COL28A1: variants seen among roughly 807,000 people sequenced by gnomAD.
COL28A1 encodes the protein collagen type XXVIII alpha 1 chain, also known as collagen alpha-1(XXVIII) chain.
In COL28A1, 161 loss-of-function variants were observed where a neutral mutation model predicts 150.2. That is an observed-to-expected ratio of 1.07 (90% CI 0.94 to 1.22). The LOEUF (loss-of-function observed/expected upper bound fraction) is 1.22. Among genes scored for constraint, COL28A1 ranks in the 50% most tolerant of loss-of-function variants. COL28A1 has a pLI of 0.00. For synonymous variants in COL28A1, 552 were observed against 469.7 expected, an observed-to-expected ratio of 1.18 and a Z score of -2.26; for missense variants, 1,617 against 1,388.3, an observed-to-expected ratio of 1.16 and a Z score of -2.62.
upstream of COL28A1, among the ~76,000 whole-genome samples, chr7:7,540,825 G>A (rs1001476728): frequency 3.3e-5 from 5 of 152,076 alleles, no homozygotes; most frequent in Admixed American, 1.3e-4. Context: ...CCACCTCTTC[G>A]AACCCTGGGT....
Position 7,460,198 on chromosome 7 carries a change from T to C in COL28A1, c.1303-4086A>G, listed in dbSNP as rs991627670. Reference sequence around the variant, plus strand: ...GTAGGTTCATCGTATGTGGTCTTCCTTCCTTCAGAGTCAACAAGCCTTGCT... The same window carrying C: ...GTAGGTTCATCGTATGTGGTCTTCCCTCCTTCAGAGTCAACAAGCCTTGCT... On this transcript the variant is annotated intron_variant, in intron 15 of 34. Transcript: ENST00000399429. Among the ~76,000 whole-genome samples, 7 of 152,358 alleles carry C rather than the reference T, an allele frequency of 4.6e-5. No individual in the cohort carries two copies. The South Asian group carries it at 1.4e-3, about 32-fold the overall frequency.
intron 33 of COL28A1, among the ~76,000 whole-genome samples, chr7:7,367,925 CTCTCCCTCACCTCCA>C (rs1781020482): frequency 6.6e-6 from 1 of 151,994 alleles, no homozygotes; most frequent in African/African-American, 2.4e-5. Flanking sequence ...AAACCCCTCC[CTCTCCCTCACCTCCA>C]ATCCTTTCAA....
intron 27 of COL28A1, among the ~76,000 whole-genome samples, chr7:7,383,286 GTGTT>G (rs761028542): frequency 0.034 from 3,576 of 105,084 alleles, 76 homozygotes; most frequent in African/African-American, 0.081. Flanking sequence ...GTGTGTGTGT[GTGTT>G]TTTTTTGAGA....
At chr7:7,397,485 T>C (rs1188402492) in intron 27 of COL28A1, among the ~76,000 whole-genome samples, 1 of 152,170 alleles carries the variant, frequency 6.6e-6, no homozygotes, top group Non-Finnish European at 1.5e-5. Context: ...CCACGGTGGC[T>C]TTTGCTCTAT....
At chr7:7,530,780 A>T (rs1782305030) in intron 3 of COL28A1, among the ~76,000 whole-genome samples, 1 of 152,204 alleles carries the variant, frequency 6.6e-6, no homozygotes, top group Non-Finnish European at 1.5e-5. Context: ...GATGATTTTA[A>T]ATTGGATGGG....
chr7:7,431,947 C>T (rs1785006684), intron 25 of COL28A1, among the ~76,000 whole-genome samples: 1 of 152,190 alleles, frequency 6.6e-6, no homozygotes, highest in Non-Finnish European at 1.5e-5. Flanking sequence ...GATGCTTAAT[C>T]CTTCTGGCTT....
At chr7:7,532,176 G>A (rs1782402278) in intron 2 of COL28A1, among the ~76,000 whole-genome samples, 1 of 152,154 alleles carries the variant, frequency 6.6e-6, no homozygotes, top group Non-Finnish European at 1.5e-5. Flanking sequence ...CCTGCTGAAA[G>A]TGGGAGGAAA....
chr7:7,492,587 A>T (rs1178742168), intron 11 of COL28A1, among the ~76,000 whole-genome samples: 3 of 91,018 alleles, frequency 3.3e-5, no homozygotes, highest in African/African-American at 4.6e-5. Flanking sequence ...TCCGTCTGTT[A>T]AAAAAAAAAA....
chr7:7,406,863 C>CT (rs1039886495), intron 27 of COL28A1, among the ~76,000 whole-genome samples: 4 of 151,112 alleles, frequency 2.6e-5, no homozygotes, highest in East Asian at 1.9e-4. Context: ...GGTTTTCTTT[C>CT]TTTTTTTTTA....
At chr7:7,498,775 G>A (rs1191054148) in intron 11 of COL28A1, among the ~76,000 whole-genome samples, 1 of 152,134 alleles carries the variant, frequency 6.6e-6, no homozygotes, top group Non-Finnish European at 1.5e-5. Flanking sequence ...ACACTGCAGT[G>A]GCTGATTCTG....
At chr7:7,527,532 G>A (rs28483212) in intron 3 of COL28A1, among the ~76,000 whole-genome samples, 48,474 of 152,026 alleles carry the variant, frequency 0.32, 8,986 homozygotes, top group African/African-American at 0.52. Flanking sequence ...GGACAGAGCC[G>A]GAGGCCTTGG....
At chr7:7,450,036 T>G (rs1347044422) in intron 18 of COL28A1, among the ~76,000 whole-genome samples, 1 of 152,058 alleles carries the variant, frequency 6.6e-6, no homozygotes, top group Non-Finnish European at 1.5e-5. Flanking sequence ...TATAAACCTA[T>G]TATAATCAAG....
chr7:7,521,529 G>C (rs796772088), intron 5 of COL28A1, among the ~76,000 whole-genome samples: 6 of 152,272 alleles, frequency 3.9e-5, no homozygotes, highest in African/African-American at 1.4e-4. Context: ...TTTCAGAGAG[G>C]CTTGTACTCC....
At chr7:7,483,735 A>G (rs1410516124) in intron 13 of COL28A1, among the ~76,000 whole-genome samples, 1 of 152,204 alleles carries the variant, frequency 6.6e-6, no homozygotes, top group Non-Finnish European at 1.5e-5. Flanking sequence ...AAGAATGTCA[A>G]ATAATAGAAT....
intron 13 of COL28A1, among the ~76,000 whole-genome samples, chr7:7,483,320 T>A (rs1779452804): frequency 6.6e-6 from 1 of 152,232 alleles, no homozygotes; most frequent in South Asian, 2.1e-4. Context: ...TATAGTAGGA[T>A]GTAACTCCAT....
At position 7,357,926 on chromosome 7, in the gene COL28A1, C is replaced by T. The variant is rs1006344210; in HGVS notation, c.*707G>A. Reference sequence around the variant, plus strand: ...CATTCCACTCCATAAAATGGAAGGGCCCACTGACATATTTTAATGGAAGGG... The same window carrying T: ...CATTCCACTCCATAAAATGGAAGGGTCCACTGACATATTTTAATGGAAGGG... On this transcript the variant is annotated 3_prime_UTR_variant, in exon 35 of 35. Transcript: ENST00000399429. 1.3e-5 allele frequency: 2 copies of T among 152,040 alleles called. No homozygotes were observed. The highest frequency in any genetic ancestry group is 1.3e-4 in the Admixed American group (2 of 15,262). 9.4% of individuals were successfully genotyped at this position (152,040 alleles called of 1,614,324 possible). A position where few individuals can be genotyped will look rare whatever the true frequency, so the allele number is the denominator to read the frequency against.
At chr7:7,513,420 T>C (rs1386971530) in intron 8 of COL28A1, among the ~76,000 whole-genome samples, 2 of 152,212 alleles carry the variant, frequency 1.3e-5, no homozygotes, top group African/African-American at 2.4e-5. Flanking sequence ...CCTAGGGTAC[T>C]GCCTGGGCTC....
chr7:7,489,120 C>A (rs117281850), intron 13 of COL28A1, among the ~76,000 whole-genome samples: 16,295 of 151,980 alleles, frequency 0.11, 1,015 homozygotes, highest in Middle Eastern at 0.22. Flanking sequence ...ATACAAAAAA[C>A]ATTAGCTGGG....
At chr7:7,354,528 G>T (rs1365139462), downstream of COL28A1, among the ~76,000 whole-genome samples, 1 of 152,128 alleles carries the variant, frequency 6.6e-6, no homozygotes, top group East Asian at 1.9e-4. Flanking sequence ...GCTTATATAG[G>T]GTATTAGAGC....
Sources: allele counts gnomAD v4.1 joint callset (sites outside exome capture counted in the v4.1 genomes callset), GRCh38; gene constraint gnomAD v4.1.1; transcripts MANE v1.5; gene names NCBI Gene and HGNC (gene_info 2026-07-23, HGNC 2026-07-21).